Variants in C1QTNF3 observed in about 807,000 individuals in gnomAD.
C1QTNF3 encodes complement C1q tumor necrosis factor-related protein 3.
C1QTNF3 carries 26 observed loss-of-function variants against 32.6 expected under a neutral mutation model. The ratio of observed to expected loss-of-function variants is 0.80; its 90% CI spans 0.58 to 1.11. C1QTNF3 has a LOEUF of 1.11. Ranked by LOEUF, C1QTNF3 falls within the 50% of genes least tolerant of loss-of-function variation. The pLI is 0.00. For missense variants in C1QTNF3, 362 were observed against 398.2 expected, an observed-to-expected ratio of 0.91 and a Z score of 0.77; for synonymous variants, 155 against 146.0, an observed-to-expected ratio of 1.06 and a Z score of -0.44.
the C1QTNF3 span, among the ~76,000 whole-genome samples, chr5:34,069,514 TAGAG>T: frequency 1.3e-5 from 2 of 152,176 alleles, no homozygotes; most frequent in East Asian, 1.9e-4. Flanking sequence ...TGAATGGCTA[TAGAG>T]AGAAAGAAAA....
chr5:34,040,014 C>T (rs530837953), intron 1 of C1QTNF3, among the ~76,000 whole-genome samples: 132 of 152,298 alleles, frequency 8.7e-4, no homozygotes, highest in African/African-American at 1.6e-3. Flanking sequence ...TTGCATTACA[C>T]GTTCCTTCCT....
At chr5:34,056,495 G>T in the C1QTNF3 span, among the ~76,000 whole-genome samples, 923 of 123,028 alleles carry the variant, frequency 7.5e-3, 2 homozygotes, top group African/African-American at 0.016. Flanking sequence ...GAGAGAGAGA[G>T]AGAGAGAGAG....
At chr5:34,102,826 C>T in the C1QTNF3 span, among the ~76,000 whole-genome samples, 1 of 152,238 alleles carries the variant, frequency 6.6e-6, no homozygotes, top group African/African-American at 2.4e-5. Flanking sequence ...CACACCGGGG[C>T]CTGTTGTGGG....
At chr5:34,112,653 ATCGAGACCCTG>A in the C1QTNF3 span, among the ~76,000 whole-genome samples, 1 of 152,136 alleles carries the variant, frequency 6.6e-6, no homozygotes, top group Non-Finnish European at 1.5e-5. Flanking sequence ...TGAGCAGCAA[ATCGAGACCCTG>A]TCTCAAAACA....
intron 3 of C1QTNF3, among the ~76,000 whole-genome samples, chr5:34,031,758 C>G (rs1313624148): frequency 6.6e-6 from 1 of 152,134 alleles, no homozygotes; most frequent in Non-Finnish European, 1.5e-5. Flanking sequence ...TCGCTTGAAC[C>G]TTGGTGGAGG....
chr5:34,242,245 T>TC, the C1QTNF3 span, among the ~76,000 whole-genome samples: 9 of 152,116 alleles, frequency 5.9e-5, no homozygotes. Flanking sequence ...CAGAGAGGCA[T>TC]CATACTACCC....
the C1QTNF3 span, among the ~76,000 whole-genome samples, chr5:34,216,126 C>T: frequency 6.6e-6 from 1 of 152,208 alleles, no homozygotes; most frequent in African/African-American, 2.4e-5. Context: ...AAGAATATCA[C>T]AAAATGTTTT....
At chr5:34,063,297 C>CCTCT in the C1QTNF3 span, among the ~76,000 whole-genome samples, 1,458 of 150,130 alleles carry the variant, frequency 9.7e-3, 19 homozygotes, top group South Asian at 0.068. Context: ...CCCTCTCTCT[C>CCTCT]CTCTCTCTCT....
At chr5:34,214,749 C>G in the C1QTNF3 span, among the ~76,000 whole-genome samples, 2 of 152,108 alleles carry the variant, frequency 1.3e-5, no homozygotes, top group Non-Finnish European at 2.9e-5. Context: ...AGATGCATCT[C>G]TAACGTAAAA....
chr5:34,090,734 C>T, the C1QTNF3 span, among the ~76,000 whole-genome samples: 1 of 152,010 alleles, frequency 6.6e-6, no homozygotes, highest in African/African-American at 2.4e-5. Context: ...ATAAAAGAGA[C>T]TTCAGGGAGC....
At chr5:34,197,747 T>A in the C1QTNF3 span, among the ~76,000 whole-genome samples, 1 of 151,898 alleles carries the variant, frequency 6.6e-6, no homozygotes, top group African/African-American at 2.4e-5. Flanking sequence ...GCACTGTCGC[T>A]ATAGAATACC....
the C1QTNF3 span, among the ~76,000 whole-genome samples, chr5:34,062,828 C>A: frequency 3.9e-5 from 6 of 152,172 alleles, no homozygotes; most frequent in African/African-American, 1.4e-4. Flanking sequence ...CAGAATGGCC[C>A]CATACTTTAA....
chr5:34,209,186 T>A, the C1QTNF3 span, among the ~76,000 whole-genome samples: 1 of 152,158 alleles, frequency 6.6e-6, no homozygotes. Context: ...AATCCAGCAT[T>A]TTTCCGAAAA....
At chr5:34,210,077 C>T in the C1QTNF3 span, among the ~76,000 whole-genome samples, 1 of 151,910 alleles carries the variant, frequency 6.6e-6, no homozygotes, top group Non-Finnish European at 1.5e-5. Flanking sequence ...TTATGTTATT[C>T]TCAAATTGAA....
At chr5:34,177,901 G>C in the C1QTNF3 span, among the ~76,000 whole-genome samples, 1 of 152,008 alleles carries the variant, frequency 6.6e-6, no homozygotes, top group African/African-American at 2.4e-5. Context: ...AGCATTCCAG[G>C]TGTGAGCCAC....
chr5:34,143,510 T>C, the C1QTNF3 span, among the ~76,000 whole-genome samples: 2 of 151,838 alleles, frequency 1.3e-5, no homozygotes. Flanking sequence ...AAAGGAAAAA[T>C]CTTAAAGGCT....
chr5:34,212,564 A>G, the C1QTNF3 span, among the ~76,000 whole-genome samples: 2 of 151,984 alleles, frequency 1.3e-5, no homozygotes, highest in African/African-American at 4.8e-5. Context: ...ACAAGAAAAA[A>G]ACAAACAACC....
chr5:34,238,518 A>C, the C1QTNF3 span, among the ~76,000 whole-genome samples: 1 of 152,300 alleles, frequency 6.6e-6, no homozygotes, highest in Non-Finnish European at 1.5e-5. Context: ...AGGTAGGCCA[A>C]GCTAAGGAAA....
the C1QTNF3 span, among the ~76,000 whole-genome samples, chr5:34,065,215 T>C: frequency 6.6e-6 from 1 of 152,174 alleles, no homozygotes; most frequent in South Asian, 2.1e-4. Context: ...GATAACCCCA[T>C]TTAAAAATGG....
Sources: gnomAD v4.1 joint callset for allele counts (sites outside exome capture counted in the v4.1 genomes callset) on GRCh38, gnomAD v4.1.1 for gene constraint, MANE v1.5 for transcripts, NCBI Gene and HGNC (gene_info 2026-07-23, HGNC 2026-07-21) for gene names.